The following NOVA1 variants were observed in gnomAD, a reference collection of about 807,000 sequenced individuals.
The protein encoded by NOVA1 is NOVA alternative splicing regulator 1.
In NOVA1, 7 loss-of-function variants were observed where a neutral mutation model predicts 38.0. That is an observed-to-expected ratio of 0.18 (90% confidence interval 0.10 to 0.35). The LOEUF is 0.35. NOVA1 is among the 10% of genes least tolerant of loss of function. The probability of loss-of-function intolerance (pLI) is 1.00; values close to 1 mark genes in which losing one functional copy is unlikely to be tolerated. For missense variants in NOVA1, 460 were observed against 616.0 expected (o/e 0.75, Z 2.68); for synonymous variants, 270 against 232.5 (o/e 1.16, Z -1.47).
At chr14:26,541,935 C>A (rs1186157487) in intron 2 of NOVA1, among the ~76,000 whole-genome samples, 1 of 151,670 alleles carries the variant, frequency 6.6e-6, no homozygotes, top group African/African-American at 2.4e-5. Flanking sequence ...TATCTGGCAC[C>A]TTATTGAGCT....
At chr14:26,562,992 T>G (rs1891918055) in intron 2 of NOVA1, among the ~76,000 whole-genome samples, 1 of 152,088 alleles carries the variant, frequency 6.6e-6, no homozygotes, top group Non-Finnish European at 1.5e-5. Context: ...AGTGAAAGTT[T>G]AAGAACTCAG....
intron 2 of NOVA1, among the ~76,000 whole-genome samples, chr14:26,517,932 T>C (rs1019531593): frequency 1.3e-5 from 2 of 152,112 alleles, no homozygotes; most frequent in African/African-American, 2.4e-5. Flanking sequence ...GGAAGAAGTA[T>C]ACAAAATCTG....
At chr14:26,470,120 GT>G in intron 4 of NOVA1, 1 of 632,874 alleles carries the variant, frequency 1.6e-6, no homozygotes, top group Non-Finnish European at 2.1e-6. Context: ...TCTTTGAATA[GT>G]TTTCTGTATT....
chr14:26,518,888 C>T (rs1478609455), intron 2 of NOVA1, among the ~76,000 whole-genome samples: 1 of 151,954 alleles, frequency 6.6e-6, no homozygotes, highest in Non-Finnish European at 1.5e-5. Flanking sequence ...GGAACTATTA[C>T]GACGATTTTT....
intron 2 of NOVA1, among the ~76,000 whole-genome samples, chr14:26,503,284 G>GA (rs1290492481): frequency 6.6e-6 from 1 of 151,814 alleles, no homozygotes; most frequent in Non-Finnish European, 1.5e-5. Context: ...CAATTTCACT[G>GA]AATCTCACGC....
intron 2 of NOVA1, among the ~76,000 whole-genome samples, chr14:26,543,936 T>C (rs542046860): frequency 1.3e-5 from 2 of 151,026 alleles, no homozygotes; most frequent in African/African-American, 2.4e-5. Context: ...AGGCAGCTTA[T>C]AGATTGATTG....
chr14:26,450,580 T>C (rs1337094678), intron 4 of NOVA1, among the ~76,000 whole-genome samples: 1 of 152,176 alleles, frequency 6.6e-6, no homozygotes, highest in Non-Finnish European at 1.5e-5. Flanking sequence ...ATAAACTTCA[T>C]ATTCCCTGAT....
At chr14:26,489,829 C>CT (rs1307531220) in intron 2 of NOVA1, among the ~76,000 whole-genome samples, 5 of 151,986 alleles carry the variant, frequency 3.3e-5, no homozygotes, top group South Asian at 4.2e-4. Flanking sequence ...GAGTGATACT[C>CT]TGTCTCAATA....
chr14:26,559,975 A>G (rs1891722810), intron 2 of NOVA1, among the ~76,000 whole-genome samples: 1 of 152,106 alleles, frequency 6.6e-6, no homozygotes, highest in Non-Finnish European at 1.5e-5. Context: ...ATTGTAATAT[A>G]TTACATTGTA....
At chr14:26,558,083 C>T (rs1310302290) in intron 2 of NOVA1, among the ~76,000 whole-genome samples, 1 of 150,978 alleles carries the variant, frequency 6.6e-6, no homozygotes, top group Non-Finnish European at 1.5e-5. Context: ...ACTATAGAGA[C>T]AGTAAATGTC....
chr14:26,546,771 G>T (rs1202144617), intron 2 of NOVA1, among the ~76,000 whole-genome samples: 1 of 152,126 alleles, frequency 6.6e-6, no homozygotes, highest in Non-Finnish European at 1.5e-5. Flanking sequence ...TGTAATCCCA[G>T]CACTTTGGGA....
chr14:26,576,918 A>G lies in NOVA1; in HGVS notation c.280+18492T>C, dbSNP rs80227402. On this transcript the variant is annotated intron_variant, in intron 2 of 4. Coordinates refer to ENST00000539517, the MANE Select transcript of NOVA1 (RefSeq NM_002515.3). ...TTAGTACATTTTAGTATACAACACA[A>G]TATTAACTATATCCTCATATTGTAC... Among the ~76,000 whole-genome samples, 1,311 of 152,068 alleles carry G rather than the reference A, an allele frequency of 8.6e-3. 18 individuals carry two copies. The highest frequency in any genetic ancestry group is 0.029 in the African/African-American group (1,194 of 41,514).
chr14:26,532,678 T>C (rs1487710749), intron 2 of NOVA1, among the ~76,000 whole-genome samples: 1 of 152,190 alleles, frequency 6.6e-6, no homozygotes, highest in Non-Finnish European at 1.5e-5. Context: ...GGGCAGATAC[T>C]TGAAAATCAC....
At chr14:26,476,345 A>C (rs1314742836) in intron 3 of NOVA1, among the ~76,000 whole-genome samples, 4 of 152,146 alleles carry the variant, frequency 2.6e-5, no homozygotes, top group Admixed American at 2.6e-4. Context: ...AAAATCTTCC[A>C]GATAAATTAA....
At position 26,588,730 on chromosome 14, in the gene NOVA1, T is replaced by C. The variant is rs373851947; in HGVS notation, c.280+6680A>G. On this transcript the variant is annotated intron_variant, in intron 2 of 4. Coordinates refer to ENST00000539517, the MANE Select transcript of NOVA1 (RefSeq NM_002515.3). ...TGTGAAATTTTAAAGTATTTTTATA[T>C]TGATAAGAATTGATTAAAAATAGTC... Among the ~76,000 whole-genome samples the C allele has an allele frequency of 1.8e-3, 275 of 151,658 alleles. 3 individuals carry two copies. The South Asian group carries it at 0.024, about 13-fold the overall frequency.
chr14:26,545,583 G>T (rs868106630), intron 2 of NOVA1, among the ~76,000 whole-genome samples: 1 of 152,124 alleles, frequency 6.6e-6, no homozygotes, highest in Middle Eastern at 3.4e-3. Context: ...GCCACTGAAG[G>T]TTTGGTAACA....
chr14:26,481,344 ATT>A (rs1221174133), intron 2 of NOVA1, among the ~76,000 whole-genome samples: 1 of 152,100 alleles, frequency 6.6e-6, no homozygotes, highest in Non-Finnish European at 1.5e-5. Flanking sequence ...TGAAGGACAA[ATT>A]TGTGAAACTA....
chr14:26,483,785 C>T (rs1015713869), intron 2 of NOVA1, among the ~76,000 whole-genome samples: 15 of 152,038 alleles, frequency 9.9e-5, no homozygotes, highest in African/African-American at 3.1e-4. Flanking sequence ...GATGCAGCTT[C>T]GTCAATAAAG....
At chr14:26,526,668 C>T (rs1594467886) in intron 2 of NOVA1, among the ~76,000 whole-genome samples, 1 of 152,010 alleles carries the variant, frequency 6.6e-6, no homozygotes, top group South Asian at 2.1e-4. Flanking sequence ...GAAAGAAACA[C>T]TAATACTGGG....
Sources: allele counts gnomAD v4.1 joint callset (sites outside exome capture counted in the v4.1 genomes callset), GRCh38; gene constraint gnomAD v4.1.1; transcripts MANE v1.5; gene names NCBI Gene and HGNC (gene_info 2026-07-23, HGNC 2026-07-21).